Variants in ARB2A observed in about 807,000 individuals in gnomAD.
The protein encoded by ARB2A is cotranscriptional regulator ARB2A.
chr5:94,039,172 T>C, the ARB2A span, among the ~76,000 whole-genome samples: 3 of 152,192 alleles, frequency 2.0e-5, no homozygotes, highest in Non-Finnish European at 2.9e-5. Context: ...ATGATAAACA[T>C]CTGAAGTTTG....
chr5:93,625,149 T>C, the ARB2A span, among the ~76,000 whole-genome samples: 1 of 152,204 alleles, frequency 6.6e-6, no homozygotes, highest in African/African-American at 2.4e-5. Flanking sequence ...TACTTTATTA[T>C]GTCTTCTCAT....
chr5:94,067,134 C>T, the ARB2A span, among the ~76,000 whole-genome samples: 2 of 152,146 alleles, frequency 1.3e-5, no homozygotes, highest in African/African-American at 4.8e-5. Flanking sequence ...TGATAAAATT[C>T]AACAACCTCC....
the ARB2A span, among the ~76,000 whole-genome samples, chr5:93,800,549 T>G: frequency 6.6e-6 from 1 of 152,062 alleles, no homozygotes; most frequent in Admixed American, 6.6e-5. Flanking sequence ...TACTGATTGC[T>G]TTCTACATTT....
At chr5:93,697,761 C>G in the ARB2A span, among the ~76,000 whole-genome samples, 1 of 152,070 alleles carries the variant, frequency 6.6e-6, no homozygotes, top group Non-Finnish European at 1.5e-5. Flanking sequence ...AAAAAATAAA[C>G]TTTTTTATTG....
the ARB2A span, among the ~76,000 whole-genome samples, chr5:93,777,185 C>T: frequency 6.6e-6 from 1 of 151,554 alleles, no homozygotes; most frequent in East Asian, 1.9e-4. Context: ...GCAGGGATAG[C>T]ATTGGGAGAT....
the ARB2A span, among the ~76,000 whole-genome samples, chr5:93,779,341 T>C: frequency 7.2e-5 from 11 of 152,236 alleles, no homozygotes; most frequent in Non-Finnish European, 1.6e-4. Flanking sequence ...TGTGTTACTA[T>C]AGTTTAGAAG....
chr5:93,816,180 A>G, the ARB2A span, among the ~76,000 whole-genome samples: 2 of 152,208 alleles, frequency 1.3e-5, no homozygotes, highest in East Asian at 1.9e-4. Context: ...CCAATTTGAG[A>G]TGTCTGAGGT....
At chr5:93,694,578 A>G in the ARB2A span, among the ~76,000 whole-genome samples, 1 of 152,236 alleles carries the variant, frequency 6.6e-6, no homozygotes, top group African/African-American at 2.4e-5. Flanking sequence ...GCTCATGGAT[A>G]GGAAAAATCA....
the ARB2A span, among the ~76,000 whole-genome samples, chr5:93,854,054 C>A: frequency 6.6e-6 from 1 of 152,148 alleles, no homozygotes; most frequent in Non-Finnish European, 1.5e-5. Flanking sequence ...CCTTGTACCT[C>A]TGGTAGAATT....
chr5:93,842,818 T>C, the ARB2A span, among the ~76,000 whole-genome samples: 1 of 152,182 alleles, frequency 6.6e-6, no homozygotes, highest in African/African-American at 2.4e-5. Flanking sequence ...GGCAAATGTC[T>C]TTGCACATCC....
the ARB2A span, among the ~76,000 whole-genome samples, chr5:93,835,098 T>G: frequency 1.8e-3 from 277 of 152,316 alleles, 2 homozygotes; most frequent in African/African-American, 5.7e-3. Context: ...CCTAGAATTC[T>G]GCTACATTCA....
chr5:93,677,460 C>T, the ARB2A span, among the ~76,000 whole-genome samples: 1 of 152,202 alleles, frequency 6.6e-6, no homozygotes, highest in African/African-American at 2.4e-5. Flanking sequence ...TGATCATAGC[C>T]GCTCAGGCAA....
At chr5:93,700,812 T>C in the ARB2A span, among the ~76,000 whole-genome samples, 1 of 152,092 alleles carries the variant, frequency 6.6e-6, no homozygotes, top group Non-Finnish European at 1.5e-5. Context: ...ACAAAATATG[T>C]AACTGGTACT....
At chr5:93,885,571 A>G in the ARB2A span, among the ~76,000 whole-genome samples, 1 of 151,644 alleles carries the variant, frequency 6.6e-6, no homozygotes, top group South Asian at 2.1e-4. Flanking sequence ...AACATTTCAA[A>G]AGACAAAGCA....
At chr5:93,917,248 C>T in the ARB2A span, among the ~76,000 whole-genome samples, 2 of 152,138 alleles carry the variant, frequency 1.3e-5, no homozygotes, top group Non-Finnish European at 2.9e-5. Flanking sequence ...GATATTGCTA[C>T]AGTGCAGTAC....
the ARB2A span, among the ~76,000 whole-genome samples, chr5:93,961,248 G>GA: frequency 6.6e-6 from 1 of 151,982 alleles, no homozygotes; most frequent in Non-Finnish European, 1.5e-5. Flanking sequence ...TCACCTTCAT[G>GA]AAAAAACCTG....
chr5:93,643,314 T>G, the ARB2A span, among the ~76,000 whole-genome samples: 1 of 152,026 alleles, frequency 6.6e-6, no homozygotes, highest in African/African-American at 2.4e-5. Context: ...AGGGAGTCCC[T>G]GGGGGAAGGA....
chr5:93,793,059 G>A, the ARB2A span, among the ~76,000 whole-genome samples: 1 of 151,434 alleles, frequency 6.6e-6, no homozygotes, highest in Non-Finnish European at 1.5e-5. Context: ...ATTAGTGGTG[G>A]CATAGCTAGA....
the ARB2A span, among the ~76,000 whole-genome samples, chr5:93,886,689 G>C: frequency 2.0e-5 from 3 of 151,606 alleles, no homozygotes; most frequent in Non-Finnish European, 4.4e-5. Flanking sequence ...TGGAACTGCA[G>C]CTCTGCTTGA....
Sources: gnomAD v4.1 joint callset for allele counts (sites outside exome capture counted in the v4.1 genomes callset) on GRCh38, gnomAD v4.1.1 for gene constraint, MANE v1.5 for transcripts, NCBI Gene and HGNC (gene_info 2026-07-23, HGNC 2026-07-21) for gene names.